The following KIAA1958 variants were observed in gnomAD, a reference collection of about 807,000 sequenced individuals.
KIAA1958 encodes the protein uncharacterized protein KIAA1958.
Under a neutral mutation model 47.2 loss-of-function variants are expected in KIAA1958, and 14 were observed. The ratio of observed to expected loss-of-function variants is 0.30; its 90% CI spans 0.20 to 0.46. The LOEUF (loss-of-function observed/expected upper bound fraction) is 0.46, where lower values mean the gene tolerates loss of function less well. KIAA1958 is among the 20% of genes least tolerant of loss of function. KIAA1958 has a pLI of 1.00. For missense variants in KIAA1958, 803 were observed against 909.2 expected (o/e 0.88, Z 1.50); for synonymous variants, 354 against 353.3 (o/e 1.00, Z -0.02).
At chr9:112,487,157 C>T (rs1351815261) in intron 1 of KIAA1958, 39 bp downstream of exon 1, 1 of 192,338 alleles carries the variant, frequency 5.2e-6, no homozygotes, top group South Asian at 6.4e-5. Flanking sequence ...GACGAGTGCG[C>T]CGACGCCGCG....
intron 1 of KIAA1958, among the ~76,000 whole-genome samples, chr9:112,562,741 T>A (rs755382861): frequency 6.6e-6 from 1 of 152,238 alleles, no homozygotes; most frequent in Non-Finnish European, 1.5e-5. Context: ...ATCTGAAACA[T>A]ACTGTTGACA....
intron 3 of KIAA1958, among the ~76,000 whole-genome samples, chr9:112,651,998 C>T (rs1245582227): frequency 1.3e-5 from 2 of 152,192 alleles, no homozygotes; most frequent in African/African-American, 2.4e-5. Context: ...TCCTGAGTAG[C>T]TGAGACTACA....
At chr9:112,492,986 A>G (rs1253950848) in intron 1 of KIAA1958, among the ~76,000 whole-genome samples, 1 of 142,362 alleles carries the variant, frequency 7.0e-6, no homozygotes, top group Non-Finnish European at 1.5e-5. Flanking sequence ...TCCTGGGCTC[A>G]TGATATCCTC....
intron 3 of KIAA1958, among the ~76,000 whole-genome samples, chr9:112,647,493 A>G (rs901434163): frequency 6.6e-6 from 1 of 152,206 alleles, no homozygotes; most frequent in Non-Finnish European, 1.5e-5. Context: ...ACAGCGCTGA[A>G]GGAAATAAAC....
At chr9:112,557,632 A>G (rs1312708204) in intron 1 of KIAA1958, among the ~76,000 whole-genome samples, 1 of 152,208 alleles carries the variant, frequency 6.6e-6, no homozygotes, top group East Asian at 1.9e-4. Flanking sequence ...AAGGAATGCC[A>G]GGACCACTGA....
chr9:112,543,174 G>A (rs1834971754), intron 1 of KIAA1958, among the ~76,000 whole-genome samples: 1 of 152,126 alleles, frequency 6.6e-6, no homozygotes, highest in African/African-American at 2.4e-5. Context: ...CTCACCCAGA[G>A]GCTTACTGCC....
At chr9:112,490,449 A>G (rs1321801692) in intron 1 of KIAA1958, among the ~76,000 whole-genome samples, 1 of 152,174 alleles carries the variant, frequency 6.6e-6, no homozygotes, top group Non-Finnish European at 1.5e-5. Flanking sequence ...TTTATTTACT[A>G]GCATGATTGG....
At chr9:112,489,324 A>G (rs916106001) in intron 1 of KIAA1958, among the ~76,000 whole-genome samples, 5 of 152,230 alleles carry the variant, frequency 3.3e-5, no homozygotes, top group Non-Finnish European at 5.9e-5. Context: ...AAGATTTAAC[A>G]AAGAGTCACT....
intron 1 of KIAA1958, among the ~76,000 whole-genome samples, chr9:112,548,902 C>T (rs1024830575): frequency 2.0e-5 from 3 of 152,154 alleles, no homozygotes; most frequent in Non-Finnish European, 4.4e-5. Context: ...GAGATTTGTA[C>T]AGGCACAGAG....
intron 1 of KIAA1958, among the ~76,000 whole-genome samples, chr9:112,560,051 AT>A (rs1364134025): frequency 1.3e-5 from 2 of 151,974 alleles, no homozygotes; most frequent in Admixed American, 6.6e-5. Flanking sequence ...ATTTATAAGT[AT>A]TTTAGGTAGC....
intron 2 of KIAA1958, among the ~76,000 whole-genome samples, chr9:112,608,919 A>G (rs1034432892): frequency 6.6e-6 from 1 of 152,250 alleles, no homozygotes; most frequent in African/African-American, 2.4e-5. Context: ...ATGCAAAGTT[A>G]TAACAACAGT....
At position 112,563,085 on chromosome 9, in the gene KIAA1958, C is replaced by CTCTCTCTATATATA. The variant is rs10655286; in HGVS notation, c.-24-10971_-24-10970insCTCTCTATATATAT. On this transcript the variant is annotated intron_variant, in intron 1 of 3. Coordinates refer to ENST00000337530, the MANE Select transcript of KIAA1958 (RefSeq NM_133465.4). ...TCTCTGTCTCTCTCTCTCTCTCTCT[C>CTCTCTCTATATATA]TATATATATATATAAATTTTTTTTA... 5.3e-5 allele frequency among the ~76,000 whole-genome samples: 7 copies of CTCTCTCTATATATA among 131,560 alleles called. No individual in the cohort carries two copies. The South Asian group carries it at 1.5e-3, about 29-fold the overall frequency. The allele number at this position is 131,560 out of a possible 152,430, so 86.3% of individuals were successfully genotyped here.
chr9:112,557,637 C>T (rs1835264461), intron 1 of KIAA1958, among the ~76,000 whole-genome samples: 1 of 152,114 alleles, frequency 6.6e-6, no homozygotes, highest in South Asian at 2.1e-4. Context: ...ATGCCAGGAC[C>T]ACTGATGAAC....
chr9:112,567,763 C>CCTGG (rs1835450149), intron 1 of KIAA1958, among the ~76,000 whole-genome samples: 2 of 151,796 alleles, frequency 1.3e-5, no homozygotes, highest in Non-Finnish European at 2.9e-5. Flanking sequence ...TTGAGACCAT[C>CCTGG]CTGGCTAACA....
intron 1 of KIAA1958, among the ~76,000 whole-genome samples, chr9:112,538,371 A>G (rs1289548933): frequency 6.6e-6 from 1 of 152,098 alleles, no homozygotes; most frequent in African/African-American, 2.4e-5. Context: ...AAAGAAAGAA[A>G]AAAAAGATGT....
intron 1 of KIAA1958, among the ~76,000 whole-genome samples, chr9:112,561,056 A>AT (rs201349723): frequency 0.015 from 2,136 of 141,068 alleles, 16 homozygotes; most frequent in African/African-American, 0.022. Context: ...TGTCTTTGCA[A>AT]TTTTTTTTTT....
intron 2 of KIAA1958, among the ~76,000 whole-genome samples, chr9:112,623,495 G>C (rs1450161100): frequency 6.6e-6 from 1 of 152,106 alleles, no homozygotes; most frequent in Non-Finnish European, 1.5e-5. Context: ...ACCCTCTGAA[G>C]TTATAAATTA....
rs1202453563 is a variant in KIAA1958, at chr9:112,618,341, C to T, written c.1172-27309C>T. ...CGAGGGTTTGCTCAACCTAGTCTGG[C>T]TCAACAACACAAAAGCTTTTGGGCA... On this transcript the variant is annotated intron_variant, in intron 2 of 3. Transcript: ENST00000337530. This position sits in a 1 kb window ranked among gnomAD's most constrained non-coding sequence, Gnocchi z 7.1. 1 of 1,551,288 alleles carries T rather than the reference C, an allele frequency of 6.4e-7. No individual in the cohort carries two copies. Among genetic ancestry groups the T allele is most frequent in the Admixed American group, 2.0e-5 (1 of 51,018 alleles).
intron 1 of KIAA1958, among the ~76,000 whole-genome samples, chr9:112,509,423 A>G (rs1564153387): frequency 6.6e-6 from 1 of 150,418 alleles, no homozygotes; most frequent in Non-Finnish European, 1.5e-5. Flanking sequence ...CTCATCTCGA[A>G]CTCCTGACCT....
Sources: gnomAD v4.1 joint callset for allele counts (sites outside exome capture counted in the v4.1 genomes callset) on GRCh38, gnomAD v4.1.1 for gene constraint, Gnocchi (gnomAD v3.1) non-coding constraint, MANE v1.5 for transcripts, NCBI Gene and HGNC (gene_info 2026-07-23, HGNC 2026-07-21) for gene names.